The following SP100 variants were observed in gnomAD, a reference collection of about 807,000 sequenced individuals.
The protein encoded by SP100 is SP100 nuclear body protein.
A neutral mutation model predicts 130.0 loss-of-function variants in SP100; 84 were observed. That is an observed-to-expected ratio of 0.65 (90% confidence interval 0.54 to 0.77). The LOEUF is 0.77. SP100 is among the 30% of genes least tolerant of loss of function. The pLI is 0.00. For synonymous variants in SP100, 331 were observed against 351.7 expected (o/e 0.94, Z 0.66); for missense variants, 978 against 1,052.2 (o/e 0.93, Z 0.97).
chr2:230,484,510 C>A (rs1181051840), intron 17 of SP100, among the ~76,000 whole-genome samples: 1 of 152,116 alleles, frequency 6.6e-6, no homozygotes, highest in Non-Finnish European at 1.5e-5. Context: ...GACTGCCTCC[C>A]CAAGAACACG....
chr2:230,471,813 T>C (rs1167292679), intron 15 of SP100, among the ~76,000 whole-genome samples: 2 of 152,078 alleles, frequency 1.3e-5, no homozygotes, highest in South Asian at 2.1e-4. Flanking sequence ...TGAAAAGATA[T>C]AAGAGTCAGC....
intron 23 of SP100, 38 bp from the exon 24 acceptor site, chr2:230,511,087 A>G: frequency 7.0e-7 from 1 of 1,419,768 alleles, no homozygotes; most frequent in South Asian, 1.1e-5. Flanking sequence ...GAAAAATCAC[A>G]CTCAATATTG....
intron 8 of SP100, among the ~76,000 whole-genome samples, chr2:230,454,759 G>A (rs2064183102): frequency 6.6e-6 from 1 of 152,090 alleles, no homozygotes; most frequent in Non-Finnish European, 1.5e-5. Context: ...GTACTTTTCT[G>A]CTTGTAGATA....
chr2:230,440,958 G>GA lies in SP100; in HGVS notation c.108-1970dup, dbSNP rs200619393. Reference sequence around the variant, plus strand: ...TACACTAAAGTCATTAATTATAAAAGAAAAAAAAATAAATTGGATTTCATC... The same window carrying GA: ...TACACTAAAGTCATTAATTATAAAAGAAAAAAAAAATAAATTGGATTTCATC... On this transcript the variant is annotated intron_variant, in intron 2 of 28. Coordinates refer to ENST00000340126, the MANE Select transcript of SP100 (RefSeq NM_001080391.2). 7.4e-5 allele frequency among the ~76,000 whole-genome samples: 11 copies of GA among 149,006 alleles called. No homozygotes were observed. The East Asian group carries it at 9.8e-4, about 13-fold the overall frequency.
chr2:230,457,883 C>T (rs1485677646), intron 8 of SP100, among the ~76,000 whole-genome samples: 1 of 152,148 alleles, frequency 6.6e-6, no homozygotes, highest in Non-Finnish European at 1.5e-5. Context: ...GCAAAACTTC[C>T]CTTTGTTTTC....
intron 25 of SP100, among the ~76,000 whole-genome samples, chr2:230,540,306 T>A (rs1692120595): frequency 6.6e-6 from 1 of 152,214 alleles, no homozygotes; most frequent in East Asian, 1.9e-4. Context: ...GACAGCCTAG[T>A]AGAGAAGGTT....
chr2:230,428,938 ATAGT>A, intron 2 of SP100, among the ~76,000 whole-genome samples: 1 of 152,214 alleles, frequency 6.6e-6, no homozygotes, highest in East Asian at 1.9e-4. Context: ...ATTATTTTTA[ATAGT>A]TTGTTTTTTA....
intron 11 of SP100, among the ~76,000 whole-genome samples, chr2:230,465,828 A>G (rs1012824319): frequency 5.3e-5 from 8 of 152,182 alleles, no homozygotes; most frequent in Admixed American, 2.6e-4. Flanking sequence ...GGATCCCAAC[A>G]TTATGACCCT....
intron 19 of SP100, among the ~76,000 whole-genome samples, chr2:230,500,086 G>A (rs192864783): frequency 5.9e-5 from 9 of 152,168 alleles, no homozygotes; most frequent in African/African-American, 1.7e-4. Context: ...CCAAAGAGTC[G>A]CCTAAACACG....
At chr2:230,452,022 C>T (rs2064011186) in intron 8 of SP100, among the ~76,000 whole-genome samples, 1 of 152,172 alleles carries the variant, frequency 6.6e-6, no homozygotes, top group South Asian at 2.1e-4. Context: ...GCACCATGCT[C>T]TTTTGATTAA....
intron 24 of SP100, among the ~76,000 whole-genome samples, chr2:230,534,656 C>T (rs1044834948): frequency 3.3e-5 from 5 of 152,314 alleles, no homozygotes; most frequent in East Asian, 1.9e-4. Flanking sequence ...AGCGTTGTCA[C>T]ATCTGAGGTG....
chr2:230,418,947 G>C (rs1011064944), intron 2 of SP100, among the ~76,000 whole-genome samples: 12 of 152,062 alleles, frequency 7.9e-5, no homozygotes, highest in African/African-American at 2.9e-4. Flanking sequence ...TCAAAATCTC[G>C]AGATTTTGTG....
intron 17 of SP100, among the ~76,000 whole-genome samples, chr2:230,489,836 C>T (rs1332029562): frequency 1.3e-5 from 2 of 152,246 alleles, no homozygotes; most frequent in African/African-American, 4.8e-5. Flanking sequence ...GAGTGAGTTT[C>T]TTAATCCTGA....
rs1348632213 is a variant in SP100 at position 230,417,620 on chromosome 2, C to CA, written c.65dup (p.Asn22LysfsTer2). ...CTGAATGAATGTATTTCACCAGTAG[C>CA]AAATGAGATGAACCATCTTCCTGCA... is the stretch of plus-strand genomic sequence containing the variant. On this transcript the variant is annotated frameshift_variant, in exon 2 of 29. Coordinates refer to ENST00000340126, the MANE Select transcript of SP100 (RefSeq NM_001080391.2). LOFTEE classifies it high-confidence loss of function. 1 of 1,613,042 alleles carries CA rather than the reference C, an allele frequency of 6.2e-7. No individual in the cohort carries two copies. Among genetic ancestry groups the CA allele is most frequent in the Non-Finnish European group, 8.5e-7 (1 of 1,179,738 alleles).
intron 8 of SP100, among the ~76,000 whole-genome samples, chr2:230,455,841 G>C (rs914521432): frequency 6.6e-6 from 1 of 152,026 alleles, no homozygotes; most frequent in African/African-American, 2.4e-5. Flanking sequence ...CTTATAACAG[G>C]CTATTTTAAG....
At chr2:230,433,478 T>G (rs1231077480) in intron 2 of SP100, among the ~76,000 whole-genome samples, 1 of 152,182 alleles carries the variant, frequency 6.6e-6, no homozygotes, top group Non-Finnish European at 1.5e-5. Context: ...ATATTCTGGG[T>G]TCTTTGCAAT....
intron 24 of SP100, among the ~76,000 whole-genome samples, chr2:230,511,858 G>C (rs1228973500): frequency 6.6e-6 from 1 of 152,036 alleles, no homozygotes; most frequent in Non-Finnish European, 1.5e-5. Flanking sequence ...CCAAAATTAA[G>C]GCTGTTTAGG....
intron 10 of SP100, among the ~76,000 whole-genome samples, chr2:230,463,080 G>T (rs1466392863): frequency 6.6e-6 from 1 of 152,120 alleles, no homozygotes; most frequent in African/African-American, 2.4e-5. Context: ...AAAGACTTTT[G>T]CAAATTGTCT....
At chr2:230,438,648 T>TATATATACACAC (rs1246055755) in intron 2 of SP100, among the ~76,000 whole-genome samples, 171 of 127,472 alleles carry the variant, frequency 1.3e-3, no homozygotes, top group South Asian at 4.8e-3. Flanking sequence ...TGTATATATA[T>TATATATACACAC]ACACACACAC....
Sources: allele counts gnomAD v4.1 joint callset (sites outside exome capture counted in the v4.1 genomes callset), GRCh38; gene constraint gnomAD v4.1.1; transcripts MANE v1.5; gene names NCBI Gene and HGNC (gene_info 2026-07-23, HGNC 2026-07-21).